WWP2: variants seen among roughly 807,000 people sequenced by gnomAD.
The protein encoded by WWP2 is NEDD4-like E3 ubiquitin-protein ligase WWP2.
In WWP2, 57 loss-of-function variants were observed where a neutral mutation model predicts 121.0. The observed-to-expected ratio is 0.47, with a 90% CI of 0.38 to 0.59. The LOEUF (loss-of-function observed/expected upper bound fraction) is 0.59, where lower values mean the gene tolerates loss of function less well. Ranked by LOEUF, WWP2 falls within the 20% of genes least tolerant of loss-of-function variation. The probability of loss-of-function intolerance (pLI) is 0.00; values close to 1 mark genes in which losing one functional copy is unlikely to be tolerated. For missense variants in WWP2, 962 were observed against 1,158.9 expected (o/e 0.83, Z 2.47); for synonymous variants, 449 against 441.3 (o/e 1.02, Z -0.22).
intron 8 of WWP2, among the ~76,000 whole-genome samples, 195 bp downstream of exon 8, chr16:69,888,444 G>A (rs1309159542): frequency 6.6e-6 from 1 of 152,104 alleles, no homozygotes. Context: ...AGTCGCCTGG[G>A]GCAGAATCAA....
At chr16:69,810,618 A>G (rs1441672197) in intron 4 of WWP2, among the ~76,000 whole-genome samples, 3 of 150,986 alleles carry the variant, frequency 2.0e-5, no homozygotes, top group African/African-American at 7.3e-5. Context: ...TTTTTAGTAG[A>G]GATGGGGTTT....
chr16:69,885,968 T>C (rs72785058), intron 7 of WWP2, among the ~76,000 whole-genome samples: 13,161 of 152,226 alleles, frequency 0.086, 649 homozygotes, highest in African/African-American at 0.13. Context: ...AGGCAGTAGA[T>C]GATATCTCGA....
intron 4 of WWP2, among the ~76,000 whole-genome samples, chr16:69,826,844 CAGG>C (rs934153859): frequency 1.3e-4 from 19 of 149,238 alleles, no homozygotes; most frequent in African/African-American, 4.7e-4. Flanking sequence ...GAGGCTGAGG[CAGG>C]AGAATGGTGT....
intron 2 of WWP2, 57 bp from the exon 3 acceptor site, chr16:69,798,625 G>C (rs1410494702): frequency 3.9e-6 from 6 of 1,550,556 alleles, no homozygotes; most frequent in East Asian, 4.5e-5. Context: ...TCTGCCACAG[G>C]GGGGCATCTG....
intron 4 of WWP2, among the ~76,000 whole-genome samples, chr16:69,816,019 G>A (rs2056483076): frequency 6.6e-6 from 1 of 152,082 alleles, no homozygotes; most frequent in South Asian, 2.1e-4. Flanking sequence ...TTCTTCAGCT[G>A]AGGAGGCAGC....
intron 17 of WWP2, among the ~76,000 whole-genome samples, chr16:69,934,724 T>C (rs970412873): frequency 2.7e-5 from 4 of 150,100 alleles, no homozygotes; most frequent in African/African-American, 7.4e-5. Flanking sequence ...CTGGGCCCCC[T>C]CTTGACAAGT....
intron 3 of WWP2, 60 bp downstream of exon 3, chr16:69,798,889 G>C: frequency 6.3e-7 from 1 of 1,595,334 alleles, no homozygotes; most frequent in South Asian, 1.1e-5. Flanking sequence ...AGGGTGCTCC[G>C]AGGGGGTTGT....
Position 69,871,904 on chromosome 16 carries a change from G to A in WWP2, c.676G>A (p.Gly226Ser), listed in dbSNP as rs1343185158. Residue 226 changes from glycine (G) to serine (S), a missense_variant, in exon 7 of 24, where the codon GGC becomes AGC. This residue lies in a region of WWP2 where 211 missense variants were observed against 196.5 expected (regional missense o/e 1.07). Transcript: ENST00000359154. ...GCACCGCCAGCCCGTCAAGAACTCA[G>A]GCCACAGTGGCTTGGCCAATGGCAC... ...SRHRQPVKNS[G>S]HSGLANGTVN... 6.2e-7 allele frequency: 1 copy of A among 1,614,002 alleles called. No homozygotes were observed. Among genetic ancestry groups the A allele is most frequent in the Non-Finnish European group, 8.5e-7 (1 of 1,180,002 alleles).
rs568569436 is a variant in WWP2, at chr16:69,820,823, T to TAC, written c.341-19302_341-19301insCA. The stretch of plus-strand genomic sequence containing the variant: ...CAACACAAAACCATGAATACATGCA[T>TAC]ATACACACACACACACACACACACA... On this transcript the variant is annotated intron_variant, in intron 4 of 23. Transcript: ENST00000359154. Among the ~76,000 whole-genome samples, 388 of 123,022 alleles carry TAC rather than the reference T, an allele frequency of 3.2e-3. 2 individuals carry two copies. Among genetic ancestry groups the TAC allele is most frequent in the South Asian group, 7.3e-3 (27 of 3,696 alleles). 80.7% of individuals were successfully genotyped at this position (123,022 alleles called of 152,430 possible).
chr16:69,789,453 C>T (rs967012448), intron 2 of WWP2, among the ~76,000 whole-genome samples: 2 of 152,198 alleles, frequency 1.3e-5, no homozygotes, highest in Non-Finnish European at 2.9e-5. Context: ...TGGCTTCAAA[C>T]TCATGACCTC....
At chr16:69,838,105 G>A (rs2056908641) in intron 4 of WWP2, among the ~76,000 whole-genome samples, 1 of 152,012 alleles carries the variant, frequency 6.6e-6, no homozygotes, top group East Asian at 1.9e-4. Flanking sequence ...CAGTGAATGA[G>A]AAGTTAGACC....
intron 4 of WWP2, among the ~76,000 whole-genome samples, chr16:69,802,179 C>G (rs574328055): frequency 6.6e-6 from 1 of 152,034 alleles, no homozygotes; most frequent in Non-Finnish European, 1.5e-5. Context: ...CTGCCCGCCT[C>G]GGCCTCCCAA....
At chr16:69,801,999 G>A (rs2056177510) in intron 4 of WWP2, among the ~76,000 whole-genome samples, 1 of 151,318 alleles carries the variant, frequency 6.6e-6, no homozygotes, top group Admixed American at 6.6e-5. Context: ...GCGCGATCTT[G>A]GCTCACCACA....
rs565163481 is a variant in WWP2 at position 69,887,108 on chromosome 16, A to T, written c.704-931A>T. 2.8e-4 allele frequency among the ~76,000 whole-genome samples: 42 copies of T among 152,302 alleles called. 1 individual carries two copies. Among genetic ancestry groups the T allele is most frequent in the Middle Eastern group, 6.8e-3 (2 of 294 alleles). ...CTTGGGGTCCTTGTGAACGTAAGTG[A>T]TCATCAAAGAGGTGAAGAGATGGTG... is the stretch of plus-strand genomic sequence containing the variant. On this transcript the variant is annotated intron_variant, in intron 7 of 23. Coordinates refer to ENST00000359154, the MANE Select transcript of WWP2 (RefSeq NM_001270454.2).
intron 16 of WWP2, among the ~76,000 whole-genome samples, chr16:69,932,873 G>T (rs569352343): frequency 6.6e-6 from 1 of 152,194 alleles, no homozygotes; most frequent in African/African-American, 2.4e-5. Flanking sequence ...GAGAGAGAGC[G>T]CTGTGGCCCG....
chr16:69,788,462 T>C (rs2055839196), intron 2 of WWP2, among the ~76,000 whole-genome samples: 1 of 152,222 alleles, frequency 6.6e-6, no homozygotes, highest in African/African-American at 2.4e-5. Flanking sequence ...GTTCCTGGTC[T>C]ACATTCTCTG....
At chr16:69,863,238 T>A (rs900532475) in intron 6 of WWP2, among the ~76,000 whole-genome samples, 5 of 152,350 alleles carry the variant, frequency 3.3e-5, no homozygotes, top group Middle Eastern at 3.4e-3. Flanking sequence ...ATGGCTTTTT[T>A]AAATTATTAA....
Position 69,930,226 on chromosome 16 carries a change from C to G in WWP2, c.1413C>G (p.Thr471=), listed in dbSNP as rs1231600504. ...YFVDHNTRTT[T]FKDPRPGFES... is the part of the protein sequence containing the mutation. ...TGGACCACAATACCCGCACCACCACCTTTAAGGATCCTCGCCCGGGGTTTG... is the reference window on the plus strand; with the variant it reads ...TGGACCACAATACCCGCACCACCACGTTTAAGGATCCTCGCCCGGGGTTTG... Residue 471 remains threonine (T), a synonymous_variant, in exon 13 of 24, where the codon ACC becomes ACG. Coordinates refer to ENST00000359154, the MANE Select transcript of WWP2 (RefSeq NM_001270454.2). 1 of 1,614,100 alleles carries G rather than the reference C, an allele frequency of 6.2e-7. No individual in the cohort carries two copies. Among genetic ancestry groups the G allele is most frequent in the Admixed American group, 1.7e-5 (1 of 60,020 alleles).
chr16:69,794,565 A>G (rs1042307636), intron 2 of WWP2, among the ~76,000 whole-genome samples: 4 of 152,176 alleles, frequency 2.6e-5, no homozygotes, highest in Admixed American at 2.0e-4. Context: ...ATTTCTCCCA[A>G]AATTAGCTTG....
Sources: allele counts gnomAD v4.1 joint callset (sites outside exome capture counted in the v4.1 genomes callset), GRCh38; gene constraint gnomAD v4.1.1; regional missense constraint gnomAD v4.1.1; transcripts MANE v1.5; gene names NCBI Gene and HGNC (gene_info 2026-07-23, HGNC 2026-07-21).